Variants in EEFSEC observed in about 807,000 individuals in gnomAD.
EEFSEC encodes the protein eukaryotic elongation factor, selenocysteine-tRNA specific.
Under a neutral mutation model 42.1 loss-of-function variants are expected in EEFSEC, and 43 were observed. The ratio of observed to expected loss-of-function variants is 1.02; its 90% CI spans 0.80 to 1.32. The LOEUF is 1.32. Ranked by LOEUF, EEFSEC falls within the 40% of genes most tolerant of loss-of-function variation. The pLI, the probability that EEFSEC is intolerant of heterozygous loss-of-function variation, is 0.00. For missense variants in EEFSEC, 745 were observed against 803.6 expected (o/e 0.93, Z 0.88); for synonymous variants, 354 against 339.1 (o/e 1.04, Z -0.48).
At chr3:128,292,745 A>T (rs1345665284) in intron 4 of EEFSEC, among the ~76,000 whole-genome samples, 1 of 151,944 alleles carries the variant, frequency 6.6e-6, no homozygotes, top group Admixed American at 6.5e-5. Flanking sequence ...CTTTCCAAAT[A>T]ACCAGCTTTT....
At chr3:128,222,025 G>GTTTTTT (rs60162922) in intron 1 of EEFSEC, among the ~76,000 whole-genome samples, 14 of 96,364 alleles carry the variant, frequency 1.5e-4, no homozygotes, top group Non-Finnish European at 1.7e-4. Flanking sequence ...TTTTTTCAAA[G>GTTTTTT]TTTTTTTTTT....
At chr3:128,403,550 C>T (rs116053588) in intron 6 of EEFSEC, among the ~76,000 whole-genome samples, 2,902 of 152,282 alleles carry the variant, frequency 0.019, 102 homozygotes, top group African/African-American at 0.065. Context: ...ACCGCCTTCC[C>T]GCGTACTCTG....
intron 5 of EEFSEC, among the ~76,000 whole-genome samples, chr3:128,350,341 A>G (rs2067368403): frequency 6.6e-6 from 1 of 152,212 alleles, no homozygotes; most frequent in Non-Finnish European, 1.5e-5. Flanking sequence ...GGTCAGCTGC[A>G]GGGCCCCTCG....
intron 1 of EEFSEC, among the ~76,000 whole-genome samples, chr3:128,192,580 C>G (rs1413357558): frequency 6.6e-6 from 1 of 152,220 alleles, no homozygotes; most frequent in African/African-American, 2.4e-5. Flanking sequence ...AGTGCTTACA[C>G]TCTTCTGCCA....
intron 1 of EEFSEC, among the ~76,000 whole-genome samples, chr3:128,242,275 C>T (rs1055198101): frequency 6.6e-6 from 1 of 152,006 alleles, no homozygotes; most frequent in South Asian, 2.1e-4. Flanking sequence ...GCTATGATTG[C>T]ACCACTGCAC....
intron 1 of EEFSEC, among the ~76,000 whole-genome samples, chr3:128,154,299 T>C (rs1022216268): frequency 1.3e-5 from 2 of 152,136 alleles, no homozygotes; most frequent in African/African-American, 4.8e-5. Flanking sequence ...TGTGTGTATG[T>C]ATAAATCCCT....
At chr3:128,341,948 C>A in intron 5 of EEFSEC, 59 bp downstream of exon 5, 1 of 1,560,404 alleles carries the variant, frequency 6.4e-7, no homozygotes, top group South Asian at 1.2e-5. Context: ...CAGCTGGGAT[C>A]CATGGCCTGA....
intron 1 of EEFSEC, among the ~76,000 whole-genome samples, chr3:128,162,035 T>A (rs569424178): frequency 6.6e-6 from 1 of 152,332 alleles, no homozygotes; most frequent in African/African-American, 2.4e-5. Context: ...TTCAGGAGAA[T>A]CTGTGTAGGA....
intron 6 of EEFSEC, among the ~76,000 whole-genome samples, chr3:128,363,383 C>G (rs537333409): frequency 2.2e-4 from 34 of 152,382 alleles, no homozygotes; most frequent in African/African-American, 7.9e-4. Context: ...GCACCTCACT[C>G]TCAACCACTC....
chr3:128,239,729 C>T (rs911327130), intron 1 of EEFSEC, among the ~76,000 whole-genome samples: 5 of 152,184 alleles, frequency 3.3e-5, no homozygotes, highest in Admixed American at 3.3e-4. Flanking sequence ...AACAGAAATG[C>T]AATTATTGTT....
intron 4 of EEFSEC, among the ~76,000 whole-genome samples, chr3:128,331,181 C>G: frequency 1.7e-5 from 1 of 60,212 alleles, no homozygotes; most frequent in Non-Finnish European, 3.3e-5. Context: ...TTCCTCAGTG[C>G]ATCTCCCCTC....
chr3:128,242,441 C>A (rs900825242), intron 1 of EEFSEC, among the ~76,000 whole-genome samples: 7 of 151,838 alleles, frequency 4.6e-5, no homozygotes, highest in African/African-American at 1.7e-4. Context: ...ATTTTTTTTT[C>A]TTTATTTTAA....
chr3:128,306,782 CA>C (rs1217346977), intron 4 of EEFSEC, among the ~76,000 whole-genome samples: 2 of 152,168 alleles, frequency 1.3e-5, no homozygotes, highest in African/African-American at 4.8e-5. Flanking sequence ...TATTTTTTGT[CA>C]GATGAGAAAA....
chr3:128,264,774 C>A lies in EEFSEC; in HGVS notation c.779C>A (p.Ala260Asp). 1 of 1,613,740 alleles carries A rather than the reference C, an allele frequency of 6.2e-7. No homozygotes were observed. ...ISLGDSVEIP[A>D]LKVVKKVKSM... Reference sequence around the variant, plus strand: ...CTCGGTGACAGTGTGGAGATCCCTGCCCTCAAGGTCAGTCTTACCTTGTCT... The same window carrying A: ...CTCGGTGACAGTGTGGAGATCCCTGACCTCAAGGTCAGTCTTACCTTGTCT... Residue 260 changes from alanine to aspartate, a missense_variant, in exon 4 of 7, where the codon GCC becomes GAC. Ala to Asp is a moderately radical substitution (Grantham distance 126, BLOSUM62 -2). Transcript: ENST00000254730.
chr3:128,203,396 G>A (rs1360628601), intron 1 of EEFSEC, among the ~76,000 whole-genome samples: 4 of 152,224 alleles, frequency 2.6e-5, no homozygotes, highest in Non-Finnish European at 5.9e-5. Flanking sequence ...CCTGGGCAGA[G>A]GAAGATGATG....
chr3:128,285,982 A>G (rs911638716), intron 4 of EEFSEC, among the ~76,000 whole-genome samples: 9 of 152,256 alleles, frequency 5.9e-5, no homozygotes, highest in Non-Finnish European at 1.3e-4. Flanking sequence ...GGAATTTGAT[A>G]TAAGTACATC....
chr3:128,231,623 G>A (rs1447684993), intron 1 of EEFSEC, among the ~76,000 whole-genome samples: 1 of 152,190 alleles, frequency 6.6e-6, no homozygotes, highest in Non-Finnish European at 1.5e-5. Flanking sequence ...CCTCCCCAGG[G>A]ATTGTGCCCT....
At chr3:128,281,623 G>A (rs1208447651) in intron 4 of EEFSEC, among the ~76,000 whole-genome samples, 1 of 152,128 alleles carries the variant, frequency 6.6e-6, no homozygotes, top group Non-Finnish European at 1.5e-5. Flanking sequence ...CCAGGATGGG[G>A]TTTGGCTGGG....
rs146035946 is a variant in EEFSEC at position 128,270,541 on chromosome 3, C to T, written c.786+5760C>T. 2.7e-4 allele frequency among the ~76,000 whole-genome samples: 41 copies of T among 152,320 alleles called. No homozygotes were observed. In the East Asian group the frequency reaches 7.1e-3, roughly 26 times the overall value. ...TGATTTTCTTCTTCATTGAAAACCC[C>T]CCAGAAAGGGAAAAGAAAACCTTAA... On this transcript the variant is annotated intron_variant, in intron 4 of 6. Coordinates refer to ENST00000254730, the MANE Select transcript of EEFSEC (RefSeq NM_021937.5).
Sources: gnomAD v4.1 joint callset for allele counts (sites outside exome capture counted in the v4.1 genomes callset) on GRCh38, gnomAD v4.1.1 for gene constraint, MANE v1.5 for transcripts, NCBI Gene and HGNC (gene_info 2026-07-23, HGNC 2026-07-21) for gene names.